The following GABPB1 variants were observed in gnomAD, a reference collection of about 807,000 sequenced individuals.
The protein encoded by GABPB1 is GA binding protein transcription factor subunit beta 1.
GABPB1 carries 15 observed loss-of-function variants against 45.9 expected under a neutral mutation model. That is an observed-to-expected ratio of 0.33 (90% CI 0.22 to 0.50). GABPB1 has a LOEUF of 0.50. Ranked by LOEUF, GABPB1 falls within the 20% of genes least tolerant of loss-of-function variation. GABPB1 has a pLI of 0.98. For missense variants in GABPB1, 252 were observed against 457.5 expected (o/e 0.55, Z 4.10); for synonymous variants, 143 against 154.4 (o/e 0.93, Z 0.55).
intron 1 of GABPB1, among the ~76,000 whole-genome samples, chr15:50,335,650 G>A (rs912552053): frequency 1.3e-5 from 2 of 152,132 alleles, no homozygotes; most frequent in Non-Finnish European, 2.9e-5. Context: ...TGTAATCCCA[G>A]CACTTTGGGA....
chr15:50,307,148 T>C (rs2046977435), intron 2 of GABPB1, among the ~76,000 whole-genome samples: 1 of 152,134 alleles, frequency 6.6e-6, no homozygotes, highest in African/African-American at 2.4e-5. Context: ...CAAACTGTCT[T>C]CCATAACGAT....
rs777573177 is a variant in GABPB1, at chr15:50,300,859, T to C, written c.627A>G (p.Thr209=). 1.9e-5 allele frequency: 31 copies of C among 1,612,706 alleles called. No homozygotes were observed. The highest frequency in any genetic ancestry group is 1.6e-4 in the Middle Eastern group (1 of 6,084). The change falls in exon 6 of 9, where the codon ACA becomes ACG. Residue 209 remains threonine (T), a synonymous_variant. Coordinates refer to ENST00000380877, the MANE Select transcript of GABPB1 (RefSeq NM_016654.5). The part of the protein sequence containing the change: ...VSAVQFGNSS[T]SVLATLAALA... ...AGGCAGCTAATGTAGCTAATACTGATGTAGAAGAGTTTCCAAACTGAACAG... is the reference window on the plus strand; with the variant it reads ...AGGCAGCTAATGTAGCTAATACTGACGTAGAAGAGTTTCCAAACTGAACAG...
chr15:50,343,035 G>A (rs2048435854), intron 1 of GABPB1, among the ~76,000 whole-genome samples: 1 of 152,052 alleles, frequency 6.6e-6, no homozygotes, highest in African/African-American at 2.4e-5. Context: ...GAGTAGCTGG[G>A]ACTACAGGCG....
chr15:50,287,966 A>G (rs1484937157), intron 7 of GABPB1, among the ~76,000 whole-genome samples: 1 of 152,138 alleles, frequency 6.6e-6, no homozygotes, highest in East Asian at 1.9e-4. Context: ...CTCAAAACCA[A>G]ACCTGGTTTA....
At chr15:50,349,501 C>T (rs1022380523) in intron 1 of GABPB1, 1 of 152,068 alleles carries the variant, frequency 6.6e-6, no homozygotes, top group Non-Finnish European at 1.5e-5. Flanking sequence ...AAGTAAACTG[C>T]CTAAAATCAC....
intron 1 of GABPB1, among the ~76,000 whole-genome samples, chr15:50,310,485 A>G (rs2047092945): frequency 6.6e-6 from 1 of 152,226 alleles, no homozygotes; most frequent in Non-Finnish European, 1.5e-5. Flanking sequence ...AAAGTGCAAG[A>G]TATTGTCATC....
intron 1 of GABPB1, chr15:50,353,842 C>T (rs1040069660): frequency 6.5e-6 from 1 of 153,324 alleles, no homozygotes; most frequent in African/African-American, 2.4e-5. Flanking sequence ...TACATCAAAC[C>T]TTTTTCTAGA....
Position 50,304,143 on chromosome 15 carries a change from AG to A in GABPB1, c.109-11del, listed in dbSNP as rs375081626. ...GTGGAGAAGTTCCCAGCTGTACCACAGAAAAAAAAAAAAATCCACATTTACA... is the reference window on the plus strand; with the variant it reads ...GTGGAGAAGTTCCCAGCTGTACCACAAAAAAAAAAAAAATCCACATTTACA... On this transcript the variant is annotated splice_polypyrimidine_tract_variant and intron_variant, in intron 2 of 8. Transcript: ENST00000380877. 8 of 1,556,330 alleles carry A rather than the reference AG, an allele frequency of 5.1e-6. No individual in the cohort carries two copies. Among genetic ancestry groups the A allele is most frequent in the Non-Finnish European group, 6.0e-6 (7 of 1,157,238 alleles).
At chr15:50,317,857 C>T (rs1295207541) in intron 1 of GABPB1, among the ~76,000 whole-genome samples, 1 of 150,540 alleles carries the variant, frequency 6.6e-6, no homozygotes, top group South Asian at 2.1e-4. Flanking sequence ...TGCAGTGAGC[C>T]GAGATCGCGC....
intron 1 of GABPB1, among the ~76,000 whole-genome samples, chr15:50,348,043 G>GAAAAAAAAAAAAAAA (rs763521486): frequency 1.8e-5 from 2 of 113,714 alleles, no homozygotes; most frequent in African/African-American, 4.1e-5. Context: ...ACTCCATCTG[G>GAAAAAAAAAAAAAAA]AAAAAAAAAA....
chr15:50,290,854 C>CA (rs1313132952), intron 6 of GABPB1, among the ~76,000 whole-genome samples: 1 of 152,168 alleles, frequency 6.6e-6, no homozygotes, highest in Non-Finnish European at 1.5e-5. Flanking sequence ...GCAGCTCAAG[C>CA]AGCACCTGTG....
chr15:50,291,706 G>A (rs1413100928), intron 6 of GABPB1, among the ~76,000 whole-genome samples: 6 of 151,392 alleles, frequency 4.0e-5, no homozygotes, highest in Non-Finnish European at 7.4e-5. Context: ...GATCACTTGA[G>A]CCCAGGAGTT....
At chr15:50,313,876 C>T (rs2047216549) in intron 1 of GABPB1, among the ~76,000 whole-genome samples, 1 of 151,968 alleles carries the variant, frequency 6.6e-6, no homozygotes, top group African/African-American at 2.4e-5. Context: ...GGACAAATTA[C>T]ATTGTATGAC....
intron 4 of GABPB1, among the ~76,000 whole-genome samples, chr15:50,301,881 C>T (rs2046763493): frequency 6.6e-6 from 1 of 152,210 alleles, no homozygotes; most frequent in Admixed American, 6.5e-5. Flanking sequence ...GCATGTCCTT[C>T]TCAATTAATT....
intron 1 of GABPB1, among the ~76,000 whole-genome samples, chr15:50,341,829 G>A (rs1172106106): frequency 6.6e-6 from 1 of 152,090 alleles, no homozygotes; most frequent in African/African-American, 2.4e-5. Flanking sequence ...TTGAGAGATG[G>A]TACCTTACTT....
intron 1 of GABPB1, among the ~76,000 whole-genome samples, chr15:50,344,220 TGAA>T (rs1165887738): frequency 3.3e-5 from 5 of 152,230 alleles, no homozygotes; most frequent in Admixed American, 6.5e-5. Context: ...GGAATAAGGC[TGAA>T]GAAGAATATA....
chr15:50,321,982 CAAA>C (rs34649125), intron 1 of GABPB1, among the ~76,000 whole-genome samples: 19 of 136,338 alleles, frequency 1.4e-4, no homozygotes, highest in African/African-American at 3.7e-4. Context: ...CAGATGTGAC[CAAA>C]AAAAAAAAAA....
intron 6 of GABPB1, 126 bp downstream of exon 6, chr15:50,300,663 T>C (rs1054961237): frequency 3.2e-6 from 2 of 622,452 alleles, no homozygotes; most frequent in Middle Eastern, 2.6e-4. Context: ...CAGGCTGGTC[T>C]CAAACTCCTG....
chr15:50,296,586 C>T (rs2046519458), intron 6 of GABPB1, among the ~76,000 whole-genome samples: 1 of 152,154 alleles, frequency 6.6e-6, no homozygotes, highest in Non-Finnish European at 1.5e-5. Flanking sequence ...GTCAGACTGA[C>T]CAAATCCTCC....
Sources: gnomAD v4.1 joint callset for allele counts (sites outside exome capture counted in the v4.1 genomes callset) on GRCh38, gnomAD v4.1.1 for gene constraint, MANE v1.5 for transcripts, NCBI Gene and HGNC (gene_info 2026-07-23, HGNC 2026-07-21) for gene names.